The following CLCA4 variants were observed in gnomAD, a reference collection of about 807,000 sequenced individuals.
CLCA4 encodes the protein chloride channel accessory 4.
A neutral mutation model predicts 78.9 loss-of-function variants in CLCA4; 69 were observed. The ratio of observed to expected loss-of-function variants is 0.87; its 90% confidence interval spans 0.72 to 1.07. The LOEUF (loss-of-function observed/expected upper bound fraction) is 1.07, where lower values mean the gene tolerates loss of function less well. Ranked by LOEUF, CLCA4 falls within the 50% of genes least tolerant of loss-of-function variation. The pLI is 0.00. For missense variants in CLCA4, 1,133 were observed against 1,095.8 expected (o/e 1.03, Z -0.48); for synonymous variants, 362 against 375.8 (o/e 0.96, Z 0.42).
chr1:86,560,450 C>G (rs1649984538), intron 3 of CLCA4, 92 bp downstream of exon 3: 1 of 1,309,012 alleles, frequency 7.6e-7, no homozygotes, highest in Non-Finnish European at 1.0e-6. Flanking sequence ...GCCAAAGTCC[C>G]TAGAATCAAA....
chr1:86,558,282 G>C (rs1649909261), intron 1 of CLCA4, among the ~76,000 whole-genome samples: 1 of 152,092 alleles, frequency 6.6e-6, no homozygotes, highest in African/African-American at 2.4e-5. Flanking sequence ...ACACTGGTCT[G>C]TGTGTCTGGC....
At chr1:86,563,834 AT>A in intron 4 of CLCA4, 65 bp downstream of exon 4, 4 of 860,856 alleles carry the variant, frequency 4.6e-6, no homozygotes, top group Non-Finnish European at 7.4e-6. Flanking sequence ...TCCTACTTTG[AT>A]TTCTTCCAAA....
At chr1:86,577,370 G>GA (rs1490893895) in intron 11 of CLCA4, among the ~76,000 whole-genome samples, 1 of 152,102 alleles carries the variant, frequency 6.6e-6, no homozygotes. Flanking sequence ...GGGTTTGTAA[G>GA]AACACAGAAT....
intron 1 of CLCA4, among the ~76,000 whole-genome samples, chr1:86,550,251 A>C (rs965168081): frequency 6.6e-6 from 1 of 152,178 alleles, no homozygotes; most frequent in African/African-American, 2.4e-5. Context: ...GTACCTTTTA[A>C]ATTTCATGAG....
Position 86,580,116 on chromosome 1 carries a change from C to A in CLCA4, c.2531C>A (p.Ala844Asp), listed in dbSNP as rs201405115. The change falls in exon 14 of 14, where the codon GCC (alanine) becomes GAC (aspartate). Residue 844 changes from alanine to aspartate, a missense_variant. Transcript: ENST00000370563. Reference sequence around the variant, plus strand: ...GAAAATGCAACCCACATATTTATTGCCATTAAAAGTATAGATAAAAGCAAT... The same window carrying A: ...GAAAATGCAACCCACATATTTATTGACATTAAAAGTATAGATAAAAGCAAT... ...SEENATHIFI[A>D]IKSIDKSNLT... is the part of the protein sequence containing the mutation. 6.2e-6 allele frequency: 10 copies of A among 1,612,368 alleles called. No individual in the cohort carries two copies. Among genetic ancestry groups the A allele is most frequent in the African/African-American group, 2.7e-5 (2 of 74,798 alleles).
chr1:86,570,681 C>A (rs1650324618), intron 7 of CLCA4, among the ~76,000 whole-genome samples: 1 of 152,006 alleles, frequency 6.6e-6, no homozygotes, highest in Non-Finnish European at 1.5e-5. Flanking sequence ...ATGCAAGAGA[C>A]TTTATAAACT....
intron 1 of CLCA4, among the ~76,000 whole-genome samples, chr1:86,557,197 T>C (rs1649875388): frequency 6.6e-6 from 1 of 152,164 alleles, no homozygotes; most frequent in South Asian, 2.1e-4. Flanking sequence ...TGTCTCATTT[T>C]CTCATTTTCC....
At chr1:86,552,038 T>A (rs1303666262) in intron 1 of CLCA4, among the ~76,000 whole-genome samples, 1 of 152,090 alleles carries the variant, frequency 6.6e-6, no homozygotes, top group Non-Finnish European at 1.5e-5. Flanking sequence ...ACCGTAGTGA[T>A]GCCCACTGCA....
At chr1:86,554,514 C>T (rs940145530) in intron 1 of CLCA4, among the ~76,000 whole-genome samples, 10 of 152,218 alleles carry the variant, frequency 6.6e-5, no homozygotes, top group South Asian at 2.1e-4. Flanking sequence ...ATCTGCCCAC[C>T]GCGGCCTCCC....
At chr1:86,567,981 A>G (rs1308982299) in intron 7 of CLCA4, among the ~76,000 whole-genome samples, 1 of 152,034 alleles carries the variant, frequency 6.6e-6, no homozygotes, top group Non-Finnish European at 1.5e-5. Flanking sequence ...AGCCATTAAC[A>G]TTTGGGGAAA....
At position 86,561,808 on chromosome 1, in the gene CLCA4, T is replaced by A. The variant is rs182571561; in HGVS notation, c.448+1450T>A. 2.2e-3 allele frequency among the ~76,000 whole-genome samples: 331 copies of A among 152,302 alleles called. 1 individual carries two copies. Among genetic ancestry groups the A allele is most frequent in the African/African-American group, 7.5e-3 (311 of 41,574 alleles). ...ATCCCACACCTCAACCCTATTCTATTACTGATAGGTCACCCCTTCTTCTTA... is the reference window on the plus strand; with the variant it reads ...ATCCCACACCTCAACCCTATTCTATAACTGATAGGTCACCCCTTCTTCTTA... On this transcript the variant is annotated intron_variant, in intron 3 of 13. Transcript: ENST00000370563.
In CLCA4 at chr1:86,580,154, G is replaced by A. The variant is rs1650665873; in HGVS notation, c.2569G>A (p.Val857Ile). The change falls in exon 14 of 14, where the codon GTA becomes ATA. Residue 857 changes from valine to isoleucine, a missense_variant. Transcript: ENST00000370563. The stretch of plus-strand genomic sequence containing the variant: ...AGATAAAAGCAATTTGACATCAAAA[G>A]TATCCAACATTGCACAAGTAACTTT... ...SIDKSNLTSK[V>I]SNIAQVTLFI... is the part of the protein sequence containing the mutation. The A allele has an allele frequency of 3.1e-6, 5 of 1,612,680 alleles. No individual in the cohort carries two copies. In the East Asian group the frequency reaches 1.1e-4, roughly 36 times the overall value.
intron 12 of CLCA4, among the ~76,000 whole-genome samples, chr1:86,578,839 A>T (rs539952674): frequency 2.0e-5 from 3 of 152,172 alleles, no homozygotes; most frequent in South Asian, 4.1e-4. Context: ...AAAGAAAAAC[A>T]GTGTGTGCAG....
At chr1:86,571,300 A>C (rs774092949) in intron 8 of CLCA4, 46 bp downstream of exon 8, 22 of 1,540,238 alleles carry the variant, frequency 1.4e-5, no homozygotes, top group Non-Finnish European at 1.9e-5. Flanking sequence ...GTAATGCATA[A>C]ATGTAAAGGC....
chr1:86,574,936 A>G (rs1208945198), intron 10 of CLCA4, among the ~76,000 whole-genome samples, 181 bp downstream of exon 10: 2 of 152,070 alleles, frequency 1.3e-5, no homozygotes, highest in Non-Finnish European at 2.9e-5. Context: ...CTTATATATC[A>G]AGAAGAAGGA....
At chr1:86,570,132 G>C (rs113668039) in intron 7 of CLCA4, among the ~76,000 whole-genome samples, 1 of 151,874 alleles carries the variant, frequency 6.6e-6, no homozygotes, top group Non-Finnish European at 1.5e-5. Context: ...TGTAATAAGC[G>C]TGGTCAATTT....
At chr1:86,558,604 G>A (rs561544565) in intron 1 of CLCA4, among the ~76,000 whole-genome samples, 100 of 152,238 alleles carry the variant, frequency 6.6e-4, no homozygotes, top group Middle Eastern at 3.4e-3. Context: ...GAGGCCTCAG[G>A]AAACTTACAA....
At position 86,565,371 on chromosome 1, in the gene CLCA4, T is replaced by G; in HGVS notation, c.655T>G (p.Tyr219Asp). 6.2e-7 allele frequency: 1 copy of G among 1,608,862 alleles called. No individual in the cohort carries two copies. Among genetic ancestry groups the G allele is most frequent in the Non-Finnish European group, 8.5e-7 (1 of 1,176,012 alleles). ...ACRIDSTTKL[Y>D]GKDCQFFPDK... ...CAGAATTGATTCTACAACAAAACTG[T>G]ATGGAAAAGATTGTCAATTCTTTCC... Residue 219 changes from tyrosine (Y) to aspartate (D), a missense_variant, in exon 5 of 14, where the codon TAT (tyrosine) becomes GAT (aspartate). Coordinates refer to ENST00000370563, the MANE Select transcript of CLCA4 (RefSeq NM_012128.4).
At position 86,577,904 on chromosome 1, in the gene CLCA4, G is replaced by A. The variant is rs756082248; in HGVS notation, c.1954G>A (p.Ala652Thr). The change falls in exon 12 of 14, where the codon GCT becomes ACT. Residue 652 changes from alanine (A) to threonine (T), a missense_variant and splice_region_variant. Transcript: ENST00000370563. ...TATTCCTTCATTTCTATAACAAGGC[G>A]CTGATTCTTTCAAGAATGATGGAGT... ...VLELLDNGAG[A>T]DSFKNDGVYS... 2.8e-5 allele frequency: 45 copies of A among 1,608,706 alleles called. No individual in the cohort carries two copies. The highest frequency in any genetic ancestry group is 2.0e-4 in the East Asian group (9 of 44,818).
Sources: allele counts gnomAD v4.1 joint callset (sites outside exome capture counted in the v4.1 genomes callset), GRCh38; gene constraint gnomAD v4.1.1; transcripts MANE v1.5; gene names NCBI Gene and HGNC (gene_info 2026-07-23, HGNC 2026-07-21).